CELF2: variants seen among roughly 807,000 people sequenced by gnomAD.
CELF2 encodes CUG triplet repeat RNA-binding protein 2.
Under a neutral mutation model 62.6 loss-of-function variants are expected in CELF2, and 8 were observed. That is an observed-to-expected ratio of 0.13 (90% CI 0.07 to 0.23). The LOEUF is 0.23. Among genes scored for constraint, CELF2 ranks in the 10% least tolerant of loss-of-function variants. The pLI, the probability that CELF2 is intolerant of heterozygous loss-of-function variation, is 1.00. For missense variants in CELF2, 333 were observed against 671.0 expected (o/e 0.50, Z 5.56); for synonymous variants, 258 against 250.0 (o/e 1.03, Z -0.30).
At chr10:11,288,731 G>T (rs1239617260) in intron 9 of CELF2, among the ~76,000 whole-genome samples, 179 bp downstream of exon 9, 2 of 152,150 alleles carry the variant, frequency 1.3e-5, no homozygotes, top group Non-Finnish European at 2.9e-5. Flanking sequence ...GTTCGAATTT[G>T]TCTTTTATTT....
chr10:11,229,055 T>A (rs770807086), intron 3 of CELF2, among the ~76,000 whole-genome samples: 2 of 152,116 alleles, frequency 1.3e-5, no homozygotes, highest in Non-Finnish European at 2.9e-5. Flanking sequence ...CCTCACTTGA[T>A]AGATGAGGAA....
the CELF2 span, among the ~76,000 whole-genome samples, chr10:10,738,316 A>G: frequency 6.6e-6 from 1 of 152,240 alleles, no homozygotes; most frequent in African/African-American, 2.4e-5. Flanking sequence ...TTCTGTAGCC[A>G]TTAAAATAGT....
chr10:11,097,002 G>A (rs113277404), intron 1 of CELF2, among the ~76,000 whole-genome samples: 2 of 152,082 alleles, frequency 1.3e-5, no homozygotes, highest in African/African-American at 4.8e-5. Context: ...CAGTCTAATG[G>A]GAGTTAAAAA....
chr10:10,640,999 G>A, the CELF2 span, among the ~76,000 whole-genome samples: 11 of 152,238 alleles, frequency 7.2e-5, no homozygotes, highest in South Asian at 1.0e-3. Flanking sequence ...ATGATAAACC[G>A]TCTTTAAGGA....
chr10:10,734,561 A>G, the CELF2 span, among the ~76,000 whole-genome samples: 1 of 152,138 alleles, frequency 6.6e-6, no homozygotes, highest in Non-Finnish European at 1.5e-5. Flanking sequence ...GCTGGCAAAT[A>G]CTCAACTGTG....
At chr10:10,873,758 C>T (rs2060908113) in intron 1 of CELF2, among the ~76,000 whole-genome samples, 2 of 152,312 alleles carry the variant, frequency 1.3e-5, no homozygotes, top group African/African-American at 4.8e-5. Context: ...ATTTTTCCAA[C>T]CCATCGTCCC....
At chr10:11,234,310 AGT>A (rs1406624684) in intron 3 of CELF2, among the ~76,000 whole-genome samples, 1 of 152,206 alleles carries the variant, frequency 6.6e-6, no homozygotes, top group Non-Finnish European at 1.5e-5. Flanking sequence ...CACCATAGAT[AGT>A]GCTCAACAAA....
At chr10:10,909,397 A>G (rs2063616136) in intron 1 of CELF2, among the ~76,000 whole-genome samples, 1 of 152,192 alleles carries the variant, frequency 6.6e-6, no homozygotes, top group Non-Finnish European at 1.5e-5. Context: ...TCCAGGGGCT[A>G]GGGTATCTTA....
Position 11,267,175 on chromosome 10 carries a change from G to C in CELF2, c.618+498G>C, listed in dbSNP as rs975135005. 2.0e-5 allele frequency among the ~76,000 whole-genome samples: 3 copies of C among 152,198 alleles called. No individual in the cohort carries two copies. Among genetic ancestry groups the C allele is most frequent in the Admixed American group, 6.5e-5 (1 of 15,286 alleles). On this transcript the variant is annotated intron_variant, in intron 6 of 12. Coordinates refer to ENST00000633077, the MANE Select transcript of CELF2 (RefSeq NM_001326342.2). The surrounding 1 kb of genome is among the most constrained non-coding windows in gnomAD (Gnocchi z 4.4). The stretch of plus-strand genomic sequence containing the variant: ...TTTTACATCAAGAATGTTGGAGAAA[G>C]TTAATATTTCTCCCACTGCATTTAA...
chr10:11,013,579 C>T (rs2056812120), upstream of CELF2, among the ~76,000 whole-genome samples: 1 of 151,864 alleles, frequency 6.6e-6, no homozygotes, highest in Admixed American at 6.6e-5. The surrounding 1 kb of genome is among the most constrained non-coding windows in gnomAD (Gnocchi z 4.1). Flanking sequence ...CACAAGATTG[C>T]AAAAAATAAA....
the CELF2 span, among the ~76,000 whole-genome samples, chr10:10,607,481 A>G: frequency 6.6e-6 from 1 of 152,178 alleles, no homozygotes; most frequent in Non-Finnish European, 1.5e-5. Context: ...AACCCATTCT[A>G]AAAAAGCAGC....
intron 8 of CELF2, among the ~76,000 whole-genome samples, chr10:11,284,888 G>GTGGGTGGA (rs374412991): frequency 6.6e-6 from 1 of 151,148 alleles, no homozygotes; most frequent in African/African-American, 2.4e-5. Context: ...GGGTAGATGT[G>GTGGGTGGA]TGGGTGGATG....
intron 2 of CELF2, among the ~76,000 whole-genome samples, chr10:11,203,170 T>A (rs1044354571): frequency 1.3e-5 from 2 of 152,170 alleles, no homozygotes; most frequent in African/African-American, 4.8e-5. Flanking sequence ...CTAGCGTGCA[T>A]GCAGCATGGG....
At chr10:10,745,123 A>AAC in the CELF2 span, among the ~76,000 whole-genome samples, 73 of 119,764 alleles carry the variant, frequency 6.1e-4, no homozygotes, top group South Asian at 2.3e-3. Flanking sequence ...TAAAAAAAAA[A>AAC]AAAACAAAAC....
the CELF2 span, among the ~76,000 whole-genome samples, chr10:10,522,756 G>A: frequency 4.6e-5 from 7 of 152,118 alleles, no homozygotes; most frequent in African/African-American, 1.7e-4. Context: ...TTTTAGTAGA[G>A]ATGGGGTTTC....
chr10:11,219,887 CT>C (rs1014794066), intron 3 of CELF2, among the ~76,000 whole-genome samples: 3 of 152,220 alleles, frequency 2.0e-5, no homozygotes, highest in Non-Finnish European at 4.4e-5. Flanking sequence ...TGTTTTCCCA[CT>C]GTGATGTGAA....
At chr10:10,734,887 C>A in the CELF2 span, among the ~76,000 whole-genome samples, 2 of 152,130 alleles carry the variant, frequency 1.3e-5, no homozygotes, top group Admixed American at 1.3e-4. Context: ...GGGCTCCCTG[C>A]CCTGTAAACA....
At chr10:10,950,621 T>C (rs2048215750) in intron 2 of CELF2, among the ~76,000 whole-genome samples, 1 of 152,208 alleles carries the variant, frequency 6.6e-6, no homozygotes, top group Non-Finnish European at 1.5e-5. Context: ...GAAGAGGGAC[T>C]CTGGGGACCA....
At chr10:10,735,213 T>C in the CELF2 span, among the ~76,000 whole-genome samples, 1 of 152,176 alleles carries the variant, frequency 6.6e-6, no homozygotes, top group Non-Finnish European at 1.5e-5. Context: ...TTGGGTACCT[T>C]GTTTCAATAT....
Sources: allele counts gnomAD v4.1 joint callset (sites outside exome capture counted in the v4.1 genomes callset), GRCh38; gene constraint gnomAD v4.1.1; non-coding constraint Gnocchi (gnomAD v3.1); transcripts MANE v1.5; gene names NCBI Gene and HGNC (gene_info 2026-07-23, HGNC 2026-07-21).